The following SGTA variants were observed in gnomAD, a reference collection of about 807,000 sequenced individuals.
SGTA encodes the protein small glutamine-rich tetratricopeptide repeat-containing protein alpha.
Under a neutral mutation model 44.3 loss-of-function variants are expected in SGTA, and 22 were observed. The observed-to-expected ratio is 0.50, with a 90% CI of 0.36 to 0.71. SGTA has a LOEUF of 0.71. Among genes scored for constraint, SGTA ranks in the 30% least tolerant of loss-of-function variants. SGTA has a pLI of 0.00. For synonymous variants in SGTA, 174 were observed against 177.6 expected, an observed-to-expected ratio of 0.98 and a Z score of 0.16; for missense variants, 341 against 435.9, an observed-to-expected ratio of 0.78 and a Z score of 1.94.
intron 1 of SGTA, among the ~76,000 whole-genome samples, chr19:2,779,485 C>G (rs79901311): frequency 6.6e-6 from 1 of 152,210 alleles, no homozygotes; most frequent in Non-Finnish European, 1.5e-5. Flanking sequence ...CCTCAACTGC[C>G]GTTTGGCACT....
In SGTA at chr19:2,767,280, C is replaced by G. The variant is rs1331165902; in HGVS notation, c.208-60G>C. The G allele has an allele frequency of 4.4e-6, 6 of 1,371,106 alleles. No homozygotes were observed. In the African/African-American group the frequency reaches 8.6e-5, roughly 20 times the overall value. The allele number at this position is 1,371,106 out of a possible 1,614,324, so 84.9% of individuals were successfully genotyped here. On this transcript the variant is annotated intron_variant, in intron 3 of 11. Coordinates refer to ENST00000221566, the MANE Select transcript of SGTA (RefSeq NM_003021.4). The surrounding 1 kb of genome is among the most constrained non-coding windows in gnomAD (Gnocchi z 7.3). ...TCCTCCCAACCTGGCACCCTCCGGC[C>G]TTAGCTTCCCTCGGGACGCCAGAGA...
rs963616018 is a variant in SGTA, at chr19:2,765,389, G to A, written c.293-104C>T. On this transcript the variant is annotated intron_variant, in intron 4 of 11. Transcript: ENST00000221566. This position sits in a 1 kb window ranked among gnomAD's most constrained non-coding sequence, Gnocchi z 5.5. Reference sequence around the variant, plus strand: ...CTGGTGTCCACACAGACCCGAGGGGGCGTCACACTTGGCTCTTCTGGGCAG... The same window carrying A: ...CTGGTGTCCACACAGACCCGAGGGGACGTCACACTTGGCTCTTCTGGGCAG... 2 of 829,546 alleles carry A rather than the reference G, an allele frequency of 2.4e-6. No homozygotes were observed. Among genetic ancestry groups the A allele is most frequent in the South Asian group, 1.5e-5 (1 of 66,364 alleles). The allele number at this position is 829,546 out of a possible 1,614,324, so 51.4% of individuals were successfully genotyped here.
rs1434817076 is a variant in SGTA, at chr19:2,765,968, C to T, written c.293-683G>A. On this transcript the variant is annotated intron_variant, in intron 4 of 11. Transcript: ENST00000221566. This position sits in a 1 kb window ranked among gnomAD's most constrained non-coding sequence, Gnocchi z 5.5. ...GCGCGGTGGCTCATGCTTATAATCC[C>T]AGCACTTTGGGAGGCCGACGCAGGC... is the stretch of plus-strand genomic sequence containing the variant. Among the ~76,000 whole-genome samples, 1 of 152,220 alleles carries T rather than the reference C, an allele frequency of 6.6e-6. No individual in the cohort carries two copies. The highest frequency in any genetic ancestry group is 2.4e-5 in the African/African-American group (1 of 41,470).
rs370266981 is a variant in SGTA, at chr19:2,763,645, G to A, written c.497+8C>T. 2.6e-4 allele frequency: 417 copies of A among 1,598,724 alleles called. 1 individual carries two copies. The highest frequency in any genetic ancestry group is 3.5e-4 in the Non-Finnish European group (408 of 1,167,538). On this transcript the variant is annotated splice_region_variant and intron_variant, in intron 6 of 11. Transcript: ENST00000221566. The surrounding 1 kb of genome is among the most constrained non-coding windows in gnomAD (Gnocchi z 5.8). ...ACTGGAAAGGCGCGGCCGTGGACAG[G>A]CACTCACCCCATCCTGCCGTAGGCC...
intron 7 of SGTA, among the ~76,000 whole-genome samples, chr19:2,762,239 A>T (rs1744162263): frequency 6.6e-6 from 1 of 151,846 alleles, no homozygotes; most frequent in Non-Finnish European, 1.5e-5. Context: ...CCTCGCCACA[A>T]AACCCACATC....
Position 2,757,172 on chromosome 19 carries a change from T to TTCAGGGTGATCTTCTGAGCTGGA in SGTA, c.*6+142_*6+164dup, listed in dbSNP as rs1914842805. 6.6e-5 allele frequency among the ~76,000 whole-genome samples: 10 copies of TTCAGGGTGATCTTCTGAGCTGGA among 152,276 alleles called. No homozygotes were observed. The South Asian group carries it at 2.1e-3, about 32-fold the overall frequency. On this transcript the variant is annotated intron_variant, in intron 11 of 11. Coordinates refer to ENST00000221566, the MANE Select transcript of SGTA (RefSeq NM_003021.4). ...GAGATGCCCCCACCTGCCTGGGCGG[T>TTCAGGGTGATCTTCTGAGCTGGA]TCAGGGTGATCTTCTGAGCTGGATG...
intron 7 of SGTA, 59 bp downstream of exon 7, chr19:2,762,447 G>A: frequency 6.3e-7 from 1 of 1,591,664 alleles, no homozygotes; most frequent in Non-Finnish European, 8.6e-7. Context: ...CCGAGGACCT[G>A]TCCCCCACCC....
At chr19:2,762,810 CA>C (rs1222046511) in intron 6 of SGTA, among the ~76,000 whole-genome samples, 166 bp from the exon 7 acceptor site, 1 of 152,182 alleles carries the variant, frequency 6.6e-6, no homozygotes, top group African/African-American at 2.4e-5. Context: ...TCGAGGGGCC[CA>C]GGGGCAGGAC....
chr19:2,756,336 C>T (rs1046569290), intron 11 of SGTA, among the ~76,000 whole-genome samples: 12 of 151,722 alleles, frequency 7.9e-5, no homozygotes, highest in African/African-American at 2.7e-4. Flanking sequence ...GCTGAATGCA[C>T]GGCTCACACT....
At chr19:2,771,576 G>GC (rs758570448) in intron 1 of SGTA, among the ~76,000 whole-genome samples, 2 of 22,346 alleles carry the variant, frequency 9.0e-5, no homozygotes, top group Non-Finnish European at 1.7e-4. Context: ...CCTCCCCATC[G>GC]GGGGGGGGGG....
intron 8 of SGTA, among the ~76,000 whole-genome samples, chr19:2,760,278 G>A (rs1165804017): frequency 6.6e-6 from 1 of 151,910 alleles, no homozygotes. Flanking sequence ...CAGCACTTTG[G>A]GGGGCCGAGG....
intron 11 of SGTA, among the ~76,000 whole-genome samples, chr19:2,756,488 T>C (rs1245166771): frequency 2.0e-5 from 3 of 151,826 alleles, no homozygotes; most frequent in African/African-American, 7.3e-5. Flanking sequence ...TTGTTCTTGC[T>C]GCTTTTTAAC....
At chr19:2,762,774 C>T (rs1295216172) in intron 6 of SGTA, 130 bp from the exon 7 acceptor site, 4 of 1,069,244 alleles carry the variant, frequency 3.7e-6, no homozygotes, top group Non-Finnish European at 5.5e-6. Flanking sequence ...TGCCCGCTGT[C>T]AGCTCAGTGG....
chr19:2,760,718 C>T (rs12973643), intron 8 of SGTA, among the ~76,000 whole-genome samples: 36,420 of 151,804 alleles, frequency 0.24, 5,427 homozygotes, highest in Admixed American at 0.39. Flanking sequence ...GCTTGGCCAG[C>T]GGACGAGGGC....
chr19:2,765,446 G>C lies in SGTA; in HGVS notation c.293-161C>G, dbSNP rs201863973. Among the ~76,000 whole-genome samples, 3 of 152,260 alleles carry C rather than the reference G, an allele frequency of 2.0e-5. No homozygotes were observed. In the East Asian group the frequency reaches 5.8e-4, roughly 29 times the overall value. On this transcript the variant is annotated intron_variant, in intron 4 of 11. Transcript: ENST00000221566. The surrounding 1 kb of genome is among the most constrained non-coding windows in gnomAD (Gnocchi z 5.5). ...CTCAACACAGATGCCGGCTCAGGAG[G>C]CATCTGCATCTATAGGGGGTTCGCT...
chr19:2,772,552 G>A (rs945454639), intron 1 of SGTA, among the ~76,000 whole-genome samples: 2 of 152,220 alleles, frequency 1.3e-5, no homozygotes, highest in African/African-American at 4.8e-5. Flanking sequence ...GCTGAACTGT[G>A]TCCCCCAAAT....
chr19:2,759,967 A>T (rs1472651191), intron 8 of SGTA, among the ~76,000 whole-genome samples: 2 of 152,018 alleles, frequency 1.3e-5, no homozygotes, highest in East Asian at 3.9e-4. Flanking sequence ...CTCAAAAAAG[A>T]AGTAAAAATA....
At chr19:2,772,130 G>A (rs1466012946) in intron 1 of SGTA, among the ~76,000 whole-genome samples, 6 of 152,208 alleles carry the variant, frequency 3.9e-5, no homozygotes, top group Admixed American at 2.0e-4. Flanking sequence ...TGAGGCAAGG[G>A]GCAGGCCTGA....
chr19:2,766,348 C>G (rs145382596), intron 4 of SGTA, among the ~76,000 whole-genome samples: 8 of 152,318 alleles, frequency 5.3e-5, no homozygotes, highest in African/African-American at 1.9e-4. Context: ...CACATTCCAC[C>G]GTGTAGATGG....
Sources: allele counts gnomAD v4.1 joint callset (sites outside exome capture counted in the v4.1 genomes callset), GRCh38; gene constraint gnomAD v4.1.1; non-coding constraint Gnocchi (gnomAD v3.1); transcripts MANE v1.5; gene names NCBI Gene and HGNC (gene_info 2026-07-23, HGNC 2026-07-21).